SAMD4B: variants seen among roughly 807,000 people sequenced by gnomAD.
SAMD4B encodes the protein sterile alpha motif domain containing 4B.
In SAMD4B, 5 loss-of-function variants were observed where a neutral mutation model predicts 74.5. The observed-to-expected ratio is 0.07, with a 90% CI of 0.04 to 0.14. The LOEUF (loss-of-function observed/expected upper bound fraction) is 0.14. SAMD4B is among the 10% of genes least tolerant of loss of function. SAMD4B has a pLI of 1.00. For synonymous variants in SAMD4B, 373 were observed against 374.9 expected (o/e 1.00, Z 0.06); for missense variants, 608 against 921.8 (o/e 0.66, Z 4.41).
intron 3 of SAMD4B, among the ~76,000 whole-genome samples, chr19:39,365,680 A>C (rs1366064403): frequency 6.6e-6 from 1 of 152,234 alleles, no homozygotes; most frequent in African/African-American, 2.4e-5. Flanking sequence ...CAAGATGAGC[A>C]CACCAAAACA....
intron 1 of SAMD4B, among the ~76,000 whole-genome samples, chr19:39,343,151 C>T (rs1600502003): frequency 2.0e-5 from 3 of 152,040 alleles, no homozygotes; most frequent in African/African-American, 4.8e-5. Flanking sequence ...CCCCAAGGCT[C>T]CCTCCGGACC....
At chr19:39,370,549 C>T (rs1341083820) in intron 4 of SAMD4B, among the ~76,000 whole-genome samples, 1 of 152,172 alleles carries the variant, frequency 6.6e-6, no homozygotes, top group Non-Finnish European at 1.5e-5. Flanking sequence ...TCTGCTCCCA[C>T]CAACCCCCCT....
intron 3 of SAMD4B, among the ~76,000 whole-genome samples, chr19:39,362,471 A>G (rs1439659415): frequency 1.3e-5 from 2 of 152,184 alleles, no homozygotes; most frequent in African/African-American, 2.4e-5. Flanking sequence ...AGCCAGCATC[A>G]GTTTCATGGA....
At chr19:39,373,320 T>G (rs2145740648) in intron 4 of SAMD4B, among the ~76,000 whole-genome samples, 1 of 152,340 alleles carries the variant, frequency 6.6e-6, no homozygotes, top group Middle Eastern at 3.4e-3. Flanking sequence ...AGAGGCCCTC[T>G]TAGCACCCTT....
intron 3 of SAMD4B, among the ~76,000 whole-genome samples, chr19:39,366,055 G>A (rs1041617565): frequency 6.6e-6 from 1 of 152,112 alleles, no homozygotes; most frequent in Non-Finnish European, 1.5e-5. Context: ...GGTGGCTAAC[G>A]CCTATAATCC....
intron 4 of SAMD4B, among the ~76,000 whole-genome samples, chr19:39,373,089 C>T (rs1217022621): frequency 3.3e-5 from 5 of 152,196 alleles, no homozygotes; most frequent in Non-Finnish European, 7.3e-5. Context: ...CCTTCCTGGG[C>T]TGGGTGTCAC....
chr19:39,390,113 G>T (rs755600957), downstream of SAMD4B: 1 of 1,614,098 alleles, frequency 6.2e-7, no homozygotes, highest in Non-Finnish European at 8.5e-7. Context: ...GGTCGAAGGG[G>T]ATATCAGGGA....
At chr19:39,362,659 T>C (rs2076723291) in intron 3 of SAMD4B, among the ~76,000 whole-genome samples, 1 of 152,154 alleles carries the variant, frequency 6.6e-6, no homozygotes, top group Non-Finnish European at 1.5e-5. Context: ...TTTCCTCTGA[T>C]GCTGACTTGG....
chr19:39,385,445 CAG>C lies in SAMD4B; in HGVS notation c.*1921_*1922del. 1 of 417,444 alleles carries C rather than the reference CAG, an allele frequency of 2.4e-6. No individual in the cohort carries two copies. Among genetic ancestry groups the C allele is most frequent in the Non-Finnish European group, 4.2e-6 (1 of 235,988 alleles). 25.9% of individuals were successfully genotyped at this position (417,444 alleles called of 1,614,324 possible). On this transcript the variant is annotated 3_prime_UTR_variant, in exon 14 of 14. Transcript: ENST00000610417. ...AGCTGCCCCCCACCCCACCTGACAG[CAG>C]AGTGTGCAGGACGCAGGCGGCCCCA...
At chr19:39,382,711 A>G (rs774791434) in intron 12 of SAMD4B, among the ~76,000 whole-genome samples, 2 of 152,284 alleles carry the variant, frequency 1.3e-5, no homozygotes, top group South Asian at 2.1e-4. Flanking sequence ...GACAAGTCCC[A>G]TGGTGGTTGT....
chr19:39,370,202 T>A, intron 4 of SAMD4B, 77 bp downstream of exon 4: 1 of 1,366,034 alleles, frequency 7.3e-7, no homozygotes, highest in Non-Finnish European at 1.0e-6. Flanking sequence ...GCTCTCTCGC[T>A]CTGTGGCATT....
intron 1 of SAMD4B, chr19:39,351,936 A>G (rs1441920985): frequency 6.6e-6 from 1 of 152,228 alleles, no homozygotes; most frequent in Non-Finnish European, 1.5e-5. Context: ...ATACTAGAAG[A>G]TGGAAATGGA....
At position 39,343,182 on chromosome 19, in the gene SAMD4B, C is replaced by A. The variant is rs2075432148; in HGVS notation, c.-267+606C>A. Among the ~76,000 whole-genome samples, 3 of 152,026 alleles carry A rather than the reference C, an allele frequency of 2.0e-5. No homozygotes were observed. In the South Asian group the frequency reaches 6.2e-4, roughly 32 times the overall value. On this transcript the variant is annotated intron_variant, in intron 1 of 13. Coordinates refer to ENST00000610417, the MANE Select transcript of SAMD4B (RefSeq NM_001384574.2). The stretch of plus-strand genomic sequence containing the variant: ...GGACCCCTGTCCATTCCAGAACTCT[C>A]CCCCGGAGCCCTGCCTCTCACAGCC...
At chr19:39,377,855 C>A in intron 8 of SAMD4B, 31 bp downstream of exon 8, 1 of 1,540,996 alleles carries the variant, frequency 6.5e-7, no homozygotes, top group Admixed American at 2.0e-5. Flanking sequence ...GCAGGAAATC[C>A]TGAGGCAGAA....
chr19:39,383,397 C>A lies in SAMD4B; in HGVS notation c.2057-102C>A. 6.4e-7 allele frequency: 1 copy of A among 1,568,672 alleles called. No homozygotes were observed. The highest frequency in any genetic ancestry group is 8.8e-7 in the Non-Finnish European group (1 of 1,138,540). On this transcript the variant is annotated intron_variant, in intron 13 of 13. Transcript: ENST00000610417. The surrounding 1 kb of genome is among the most constrained non-coding windows in gnomAD (Gnocchi z 4.1). ...TGAGGGGTCCCCAGGGGAGGCCAGA[C>A]TCCAGGGAGGGCCTGACTGGGATGA... is the stretch of plus-strand genomic sequence containing the variant.
intron 9 of SAMD4B, among the ~76,000 whole-genome samples, chr19:39,379,045 T>A (rs1323440770): frequency 7.1e-6 from 1 of 141,106 alleles, no homozygotes; most frequent in Non-Finnish European, 1.5e-5. Flanking sequence ...ACACTCTTCC[T>A]CTCTCTCTCT....
downstream of SAMD4B, chr19:39,387,246 C>A: frequency 2.5e-6 from 1 of 399,034 alleles, no homozygotes. Flanking sequence ...AATTGTAATA[C>A]AATAGTAAGT....
chr19:39,366,861 A>C (rs76396876), intron 3 of SAMD4B, among the ~76,000 whole-genome samples: 2 of 152,116 alleles, frequency 1.3e-5, no homozygotes, highest in East Asian at 3.8e-4. Flanking sequence ...TAGGTTTCCA[A>C]GACTTTCCTT....
downstream of SAMD4B, chr19:39,388,545 C>T (rs1458237255): frequency 8.1e-6 from 13 of 1,613,792 alleles, no homozygotes; most frequent in South Asian, 8.8e-5. Context: ...CAAAACTTAA[C>T]CGCAACCCAC....
Sources: gnomAD v4.1 joint callset for allele counts (sites outside exome capture counted in the v4.1 genomes callset) on GRCh38, gnomAD v4.1.1 for gene constraint, Gnocchi (gnomAD v3.1) non-coding constraint, MANE v1.5 for transcripts, NCBI Gene and HGNC (gene_info 2026-07-23, HGNC 2026-07-21) for gene names.